Variants in RNGTT observed in about 807,000 individuals in gnomAD.
RNGTT encodes the protein mRNA-capping enzyme.
Under a neutral mutation model 79.3 loss-of-function variants are expected in RNGTT, and 33 were observed. The observed-to-expected ratio is 0.42, with a 90% confidence interval of 0.32 to 0.56. The LOEUF (loss-of-function observed/expected upper bound fraction) is 0.56. RNGTT is among the 20% of genes least tolerant of loss of function. The pLI is 0.17. For missense variants in RNGTT, 497 were observed against 739.1 expected (o/e 0.67, Z 3.80); for synonymous variants, 222 against 235.9 (o/e 0.94, Z 0.54).
chr6:88,917,532 C>T (rs77019857), intron 4 of RNGTT, among the ~76,000 whole-genome samples: 3,263 of 152,186 alleles, frequency 0.021, 36 homozygotes, highest in Non-Finnish European at 0.033. Context: ...ATTATAAAGG[C>T]AATGGAGATA....
At chr6:88,912,065 A>C (rs1410666509) in intron 4 of RNGTT, among the ~76,000 whole-genome samples, 1 of 152,124 alleles carries the variant, frequency 6.6e-6, no homozygotes, top group East Asian at 1.9e-4. Context: ...CCTGGGTGAT[A>C]AAGTAAGACC....
intron 1 of RNGTT, among the ~76,000 whole-genome samples, chr6:88,955,838 T>C (rs1342822997): frequency 6.6e-6 from 1 of 150,720 alleles, no homozygotes; most frequent in Non-Finnish European, 1.5e-5. Flanking sequence ...AGGTCAGGAG[T>C]TTGAGCCTGA....
At position 88,610,572 on chromosome 6, in the gene RNGTT, T is replaced by TA. The variant is rs1771986128; in HGVS notation, c.*2146dup. On this transcript the variant is annotated 3_prime_UTR_variant, in exon 16 of 16. Coordinates refer to ENST00000369485, the MANE Select transcript of RNGTT (RefSeq NM_003800.5). ...CCTCTAGATTATCCCCCTGACCTTCTAAATGACTTTTATAATACTGCAGAT... is the reference window on the plus strand; with the variant it reads ...CCTCTAGATTATCCCCCTGACCTTCTAAAATGACTTTTATAATACTGCAGAT... 1 of 152,228 alleles carries TA rather than the reference T, an allele frequency of 6.6e-6. No homozygotes were observed. The highest frequency in any genetic ancestry group is 1.5e-5 in the Non-Finnish European group (1 of 68,032). 9.4% of individuals were successfully genotyped at this position (152,228 alleles called of 1,614,324 possible). A position where few individuals can be genotyped will look rare whatever the true frequency, so the allele number is the denominator to read the frequency against.
At chr6:88,825,045 C>A (rs73498424) in intron 11 of RNGTT, among the ~76,000 whole-genome samples, 1,965 of 152,140 alleles carry the variant, frequency 0.013, 46 homozygotes, top group African/African-American at 0.045. Context: ...ACCCAGCCTT[C>A]TGTCTGTTTT....
At chr6:88,701,570 G>A (rs1180234667) in intron 13 of RNGTT, among the ~76,000 whole-genome samples, 4 of 148,274 alleles carry the variant, frequency 2.7e-5, no homozygotes, top group African/African-American at 1.0e-4. Flanking sequence ...AAGGCTCTGT[G>A]TTAAGTATAA....
chr6:88,874,286 A>G (rs1211507119), intron 8 of RNGTT, among the ~76,000 whole-genome samples: 1 of 152,146 alleles, frequency 6.6e-6, no homozygotes, highest in African/African-American at 2.4e-5. Flanking sequence ...ATTTACCTTG[A>G]TATGGAATAA....
chr6:88,629,733 G>A (rs1234628351), intron 14 of RNGTT, among the ~76,000 whole-genome samples: 1 of 152,114 alleles, frequency 6.6e-6, no homozygotes, highest in Non-Finnish European at 1.5e-5. Context: ...CTATTTTCTG[G>A]AAAGTTGTTT....
At chr6:88,638,230 C>G (rs578159859) in intron 14 of RNGTT, among the ~76,000 whole-genome samples, 1 of 152,246 alleles carries the variant, frequency 6.6e-6, no homozygotes, top group South Asian at 2.1e-4. Flanking sequence ...TGCCAAATTT[C>G]TCTATTGGTT....
intron 2 of RNGTT, among the ~76,000 whole-genome samples, chr6:88,930,070 G>GTATACA (rs1198337508): frequency 6.9e-6 from 1 of 145,376 alleles, no homozygotes; most frequent in Admixed American, 6.9e-5. Context: ...ATATGCATAT[G>GTATACA]TATACATATA....
chr6:88,628,771 C>T lies in RNGTT; in HGVS notation c.1507-14376G>A, dbSNP rs914340762. Among the ~76,000 whole-genome samples the T allele has an allele frequency of 5.3e-5, 8 of 152,112 alleles. No individual in the cohort carries two copies. In the South Asian group the frequency reaches 1.0e-3, roughly 20 times the overall value. On this transcript the variant is annotated intron_variant, in intron 14 of 15. Transcript: ENST00000369485. ...CATTTGGATCTAGAGCTCTACATCG[C>T]ACTACCTCTTGGTACTAACTGGGAA...
intron 11 of RNGTT, among the ~76,000 whole-genome samples, chr6:88,843,092 C>CAAAAAA (rs1554223010): frequency 1.4e-5 from 2 of 147,838 alleles, no homozygotes; most frequent in African/African-American, 2.5e-5. Flanking sequence ...CAAAACAAAA[C>CAAAAAA]AAAACAAAAA....
chr6:88,759,481 A>G (rs1778134386), intron 13 of RNGTT, among the ~76,000 whole-genome samples: 1 of 152,222 alleles, frequency 6.6e-6, no homozygotes, highest in African/African-American at 2.4e-5. Flanking sequence ...GGACAGAGCT[A>G]GGAAATGAGT....
chr6:88,933,396 C>T (rs952255870), intron 2 of RNGTT, among the ~76,000 whole-genome samples: 2 of 152,158 alleles, frequency 1.3e-5, no homozygotes, highest in African/African-American at 4.8e-5. Context: ...TAACCAACCT[C>T]CCTTCACCAT....
intron 2 of RNGTT, among the ~76,000 whole-genome samples, chr6:88,930,042 A>ATG: frequency 6.7e-6 from 1 of 148,802 alleles, no homozygotes; most frequent in Non-Finnish European, 1.5e-5. Flanking sequence ...ATATATATGC[A>ATG]TATATACATA....
intron 12 of RNGTT, among the ~76,000 whole-genome samples, chr6:88,787,013 C>T (rs1779249944): frequency 6.6e-6 from 1 of 152,162 alleles, no homozygotes; most frequent in African/African-American, 2.4e-5. Context: ...AATCTGCCAA[C>T]ACCTTGATCT....
chr6:88,736,640 CA>C (rs772857220), intron 13 of RNGTT, among the ~76,000 whole-genome samples: 2 of 152,168 alleles, frequency 1.3e-5, no homozygotes, highest in Non-Finnish European at 2.9e-5. Flanking sequence ...AAAGATGTGG[CA>C]AATTCTGTCT....
intron 13 of RNGTT, among the ~76,000 whole-genome samples, chr6:88,707,725 T>TAAAAAAAAAA (rs60313151): frequency 1.6e-5 from 2 of 123,564 alleles, no homozygotes; most frequent in African/African-American, 6.1e-5. Context: ...TCCCTAACAT[T>TAAAAAAAAAA]AAAAAAAAAA....
intron 11 of RNGTT, among the ~76,000 whole-genome samples, chr6:88,806,169 G>A (rs1423880808): frequency 6.6e-6 from 1 of 151,786 alleles, no homozygotes; most frequent in Non-Finnish European, 1.5e-5. Flanking sequence ...CATACACAAA[G>A]GAAAAATAAA....
intron 11 of RNGTT, among the ~76,000 whole-genome samples, chr6:88,842,901 G>A (rs563662374): frequency 2.8e-4 from 42 of 151,834 alleles, no homozygotes; most frequent in Admixed American, 1.8e-3. Context: ...GGGAAACCTC[G>A]TCTCTAGAAA....
Sources: allele counts gnomAD v4.1 joint callset (sites outside exome capture counted in the v4.1 genomes callset), GRCh38; gene constraint gnomAD v4.1.1; transcripts MANE v1.5; gene names NCBI Gene and HGNC (gene_info 2026-07-23, HGNC 2026-07-21).